Variants in ADAMTS5 observed in about 807,000 individuals in gnomAD.
ADAMTS5 encodes the protein ADAM metallopeptidase with thrombospondin type 1 motif 5, also known as A disintegrin and metalloproteinase with thrombospondin motifs 5.
In ADAMTS5, 54 loss-of-function variants were observed where a neutral mutation model predicts 81.4. The observed-to-expected ratio is 0.66, with a 90% confidence interval of 0.53 to 0.83. ADAMTS5 has a LOEUF of 0.83. Ranked by LOEUF, ADAMTS5 falls within the 40% of genes least tolerant of loss-of-function variation. The pLI, the probability that ADAMTS5 is intolerant of heterozygous loss-of-function variation, is 0.00. For synonymous variants in ADAMTS5, 532 were observed against 508.8 expected (o/e 1.05, Z -0.61); for missense variants, 1,194 against 1,229.9 (o/e 0.97, Z 0.44).
rs1397931483 is a variant in ADAMTS5 at position 26,934,497 on chromosome 21, C to T, written c.1658G>A (p.Cys553Tyr). ...ATATTTTTTCTTGGTTTTGTCCACA[C>T]ATTTGCCCTGCAGGCAGATTCTCCC... ...GKGRICLQGK[C>Y]VDKTKKKYYS... is the part of the protein sequence containing the mutation. The change falls in exon 4 of 8, where the codon TGT (cysteine) becomes TAT (tyrosine). Residue 553 changes from cysteine to tyrosine, a missense_variant. Cys to Tyr is a radical substitution (Grantham distance 194, BLOSUM62 -2). Transcript: ENST00000284987. 1 of 1,614,106 alleles carries T rather than the reference C, an allele frequency of 6.2e-7. No homozygotes were observed. The highest frequency in any genetic ancestry group is 1.3e-5 in the African/African-American group (1 of 74,928).
chr21:26,960,172 T>C (rs1987502219), intron 1 of ADAMTS5, among the ~76,000 whole-genome samples: 1 of 152,196 alleles, frequency 6.6e-6, no homozygotes, highest in African/African-American at 2.4e-5. Flanking sequence ...TCTATGCCTC[T>C]CAATTCCTAA....
In ADAMTS5 at chr21:26,921,562, G is replaced by A. The variant is rs1986698138; in HGVS notation, c.*2491C>T. 1 of 151,992 alleles carries A rather than the reference G, an allele frequency of 6.6e-6. No homozygotes were observed. Among genetic ancestry groups the A allele is most frequent in the Non-Finnish European group, 1.5e-5 (1 of 67,856 alleles). The allele number at this position is 151,992 out of a possible 1,614,324, so 9.4% of individuals were successfully genotyped here. Reference sequence around the variant, plus strand: ...AGACAGTACGAAGTCAAAGTGGACTGACTTAGATTGAGTTGTATAGAATTT... The same window carrying A: ...AGACAGTACGAAGTCAAAGTGGACTAACTTAGATTGAGTTGTATAGAATTT... On this transcript the variant is annotated 3_prime_UTR_variant, in exon 8 of 8. Transcript: ENST00000284987.
chr21:26,944,026 T>A (rs150462151), intron 2 of ADAMTS5, among the ~76,000 whole-genome samples: 106 of 152,260 alleles, frequency 7.0e-4, no homozygotes, highest in African/African-American at 2.3e-3. Context: ...GTAGATGGTT[T>A]TTGAATGTCA....
intron 3 of ADAMTS5, among the ~76,000 whole-genome samples, chr21:26,936,650 T>C (rs948914427): frequency 2.0e-4 from 30 of 152,136 alleles, no homozygotes; most frequent in African/African-American, 6.3e-4. Context: ...GCCAGAACGT[T>C]TGAAGAGGTA....
At chr21:26,959,211 G>A (rs1204172124) in intron 1 of ADAMTS5, among the ~76,000 whole-genome samples, 1 of 152,124 alleles carries the variant, frequency 6.6e-6, no homozygotes, top group Non-Finnish European at 1.5e-5. Context: ...GTGAATGGAA[G>A]GTAGATTGCT....
chr21:26,933,785 A>C (rs1164305771), intron 4 of ADAMTS5, among the ~76,000 whole-genome samples: 2 of 152,232 alleles, frequency 1.3e-5, no homozygotes, highest in African/African-American at 4.8e-5. Context: ...TGACTGTGTC[A>C]GGTTATCTGA....
At chr21:26,935,216 C>A (rs73899334) in intron 3 of ADAMTS5, among the ~76,000 whole-genome samples, 1 of 152,004 alleles carries the variant, frequency 6.6e-6, no homozygotes, top group East Asian at 1.9e-4. Context: ...TCTAACTCAC[C>A]CCTTCCCCAT....
chr21:26,932,796 C>A, intron 5 of ADAMTS5, 65 bp downstream of exon 5: 1 of 1,507,188 alleles, frequency 6.6e-7, no homozygotes, highest in Non-Finnish European at 8.9e-7. Context: ...TTCCCTTATT[C>A]ATTATTGCTA....
intron 3 of ADAMTS5, among the ~76,000 whole-genome samples, chr21:26,938,474 T>C (rs971285647): frequency 6.6e-6 from 1 of 152,214 alleles, no homozygotes; most frequent in South Asian, 2.1e-4. Flanking sequence ...TAGTTTCATA[T>C]GTCTGACTTA....
chr21:26,932,706 A>AAAAAAAC (rs71331598), intron 5 of ADAMTS5, among the ~76,000 whole-genome samples, 155 bp downstream of exon 5: 66 of 151,350 alleles, frequency 4.4e-4, no homozygotes, highest in Admixed American at 1.4e-3. Context: ...ATCTCAAAAA[A>AAAAAAAC]AAACAAACAC....
intron 6 of ADAMTS5, among the ~76,000 whole-genome samples, chr21:26,930,397 C>A (rs992930053): frequency 6.6e-6 from 1 of 152,168 alleles, no homozygotes; most frequent in Non-Finnish European, 1.5e-5. Flanking sequence ...GTGTTTCAGA[C>A]TATCATTTGT....
chr21:26,943,375 C>T lies in ADAMTS5; in HGVS notation c.1405+5G>A, dbSNP rs747237582. On this transcript the variant is annotated splice_donor_5th_base_variant and intron_variant, in intron 3 of 7. Coordinates refer to ENST00000284987, the MANE Select transcript of ADAMTS5 (RefSeq NM_007038.5). ...TCAGTCTGTGTTCTCCTAAATGATACATACCATGGCCATCATCCAGGAATT... is the reference window on the plus strand; with the variant it reads ...TCAGTCTGTGTTCTCCTAAATGATATATACCATGGCCATCATCCAGGAATT... The T allele has an allele frequency of 2.1e-5, 34 of 1,609,958 alleles. No homozygotes were observed. Among genetic ancestry groups the T allele is most frequent in the Non-Finnish European group, 2.9e-5 (34 of 1,178,314 alleles).
At position 26,924,126 on chromosome 21, in the gene ADAMTS5, C is replaced by T. The variant is rs75336666; in HGVS notation, c.2720G>A (p.Arg907Gln). Residue 907 changes from arginine to glutamine, a missense_variant, in exon 8 of 8, where the codon CGG becomes CAG. Around this residue, in one of 2 missense-constraint regions of ADAMTS5, gnomAD observed 696 missense variants for 817.6 expected, o/e 0.85. Transcript: ENST00000284987. Reference protein sequence around the residue: ...TRTVQCQDGNRKLAKGCPLSQ... With the variant: ...TRTVQCQDGNQKLAKGCPLSQ... ...GAGAGGACATCCTTTTGCTAACTTC[C>T]GGTTTCCATCCTGGCACTGCACCGT... is the stretch of plus-strand genomic sequence containing the variant. The T allele has an allele frequency of 3.5e-5, 57 of 1,612,728 alleles. No individual in the cohort carries two copies. The East Asian group carries it at 4.2e-4, about 12-fold the overall frequency.
chr21:26,953,410 G>A (rs538162903), intron 2 of ADAMTS5, among the ~76,000 whole-genome samples: 2 of 152,292 alleles, frequency 1.3e-5, no homozygotes, highest in African/African-American at 4.8e-5. Flanking sequence ...GAACATTAAT[G>A]CCATACTTAA....
intron 3 of ADAMTS5, 66 bp downstream of exon 3, chr21:26,943,314 T>C (rs764668726): frequency 3.5e-6 from 5 of 1,420,744 alleles, no homozygotes; most frequent in Non-Finnish European, 4.8e-6. Context: ...GAGGATATAA[T>C]GAAGTCAAAC....
intron 7 of ADAMTS5, 69 bp downstream of exon 7, chr21:26,929,817 C>T: frequency 2.0e-6 from 3 of 1,494,968 alleles, no homozygotes; most frequent in Non-Finnish European, 2.7e-6. Context: ...ATGAATCCTC[C>T]TTTATCAATT....
chr21:26,945,789 A>C (rs374877449), intron 2 of ADAMTS5, among the ~76,000 whole-genome samples: 1 of 152,186 alleles, frequency 6.6e-6, no homozygotes, highest in Non-Finnish European at 1.5e-5. Flanking sequence ...CTCATTTTCC[A>C]CTGAAACTTA....
In ADAMTS5 at chr21:26,924,084, G is replaced by T; in HGVS notation, c.2762C>A (p.Ala921Glu). 6.2e-7 allele frequency: 1 copy of T among 1,602,256 alleles called. No individual in the cohort carries two copies. Among genetic ancestry groups the T allele is most frequent in the Non-Finnish European group, 8.5e-7 (1 of 1,170,272 alleles). Reference protein sequence around the residue: ...KGCPLSQRPSAFKQCLLKKC With the variant: ...KGCPLSQRPSEFKQCLLKKC ...TTTCTTCAACAAGCATTGCTTAAAC[G>T]CAGAAGGCCTTTGGGAGAGAGGACA... is the stretch of plus-strand genomic sequence containing the variant. The change falls in exon 8 of 8, where the codon GCG becomes GAG. Residue 921 changes from alanine (A) to glutamate (E), a missense_variant. Transcript: ENST00000284987.
chr21:26,944,142 C>G (rs1033160683), intron 2 of ADAMTS5, among the ~76,000 whole-genome samples: 1 of 152,192 alleles, frequency 6.6e-6, no homozygotes, highest in Non-Finnish European at 1.5e-5. Context: ...TCTTGCAAAA[C>G]TAAGCTTGCT....
Sources: gnomAD v4.1 joint callset for allele counts (sites outside exome capture counted in the v4.1 genomes callset) on GRCh38, gnomAD v4.1.1 for gene constraint, gnomAD v4.1.1 regional missense constraint, MANE v1.5 for transcripts, NCBI Gene and HGNC (gene_info 2026-07-23, HGNC 2026-07-21) for gene names.